CUEDC2: variants seen among roughly 807,000 people sequenced by gnomAD.
The protein encoded by CUEDC2 is CUE domain-containing protein 2.
CUEDC2 carries 10 observed loss-of-function variants against 36.0 expected under a neutral mutation model. The ratio of observed to expected loss-of-function variants is 0.28; its 90% CI spans 0.17 to 0.47. The LOEUF is 0.47. CUEDC2 is among the 20% of genes least tolerant of loss of function. The pLI, the probability that CUEDC2 is intolerant of heterozygous loss-of-function variation, is 0.99. For synonymous variants in CUEDC2, 133 were observed against 141.8 expected, an observed-to-expected ratio of 0.94 and a Z score of 0.44; for missense variants, 269 against 368.1, an observed-to-expected ratio of 0.73 and a Z score of 2.20.
rs769482884 is a variant in CUEDC2 at position 102,423,565 on chromosome 10, T to C, written c.725A>G (p.Lys242Arg). Residue 242 changes from lysine (K) to arginine (R), a missense_variant, in exon 9 of 9, where the codon AAG (lysine) becomes AGG (arginine). By Grantham distance (26) the Lys-to-Arg change is conservative. Coordinates refer to ENST00000369937, the MANE Select transcript of CUEDC2 (RefSeq NM_024040.3). The surrounding 1 kb of genome is among the most constrained non-coding windows in gnomAD (Gnocchi z 5.6). ...GTTGTCGATGTATCGGATCAGCTTC[T>C]TGGGGGCCTGTCAGGCAATCAGCAG... ...HRPMAPKEAP[K>R]KLIRYIDNQV... is the part of the protein sequence containing the mutation. 2.5e-6 allele frequency: 4 copies of C among 1,614,192 alleles called. No individual in the cohort carries two copies. Among genetic ancestry groups the C allele is most frequent in the Non-Finnish European group, 3.4e-6 (4 of 1,180,026 alleles).
chr10:102,424,942 G>T lies in CUEDC2; in HGVS notation c.75-150C>A. On this transcript the variant is annotated intron_variant, in intron 2 of 8. Transcript: ENST00000369937. This position sits in a 1 kb window ranked among gnomAD's most constrained non-coding sequence, Gnocchi z 4.2. ...AGAGAGTATAACCCCCTCCCTCAGA[G>T]CTATGGTTTCCCATCTGCCCAACAA... is the stretch of plus-strand genomic sequence containing the variant. The T allele has an allele frequency of 2.0e-6, 2 of 1,023,436 alleles. No homozygotes were observed. The highest frequency in any genetic ancestry group is 2.9e-6 in the Non-Finnish European group (2 of 698,780). 63.4% of individuals were successfully genotyped at this position (1,023,436 alleles called of 1,614,324 possible). A position where few individuals can be genotyped will look rare whatever the true frequency, so the allele number is the denominator to read the frequency against.
intron 1 of CUEDC2, among the ~76,000 whole-genome samples, chr10:102,429,137 C>T (rs1321395513): frequency 6.6e-6 from 1 of 152,138 alleles, no homozygotes; most frequent in Non-Finnish European, 1.5e-5. Context: ...CCATATTACA[C>T]TCTCTATGCA....
At chr10:102,428,875 A>G (rs2061607033) in intron 1 of CUEDC2, among the ~76,000 whole-genome samples, 1 of 152,084 alleles carries the variant, frequency 6.6e-6, no homozygotes, top group Non-Finnish European at 1.5e-5. Context: ...TACAAAAATT[A>G]GCTGGGTGTG....
Position 102,430,131 on chromosome 10 carries a change from C to T in CUEDC2, c.-11+2395G>A, listed in dbSNP as rs200043796. On this transcript the variant is annotated intron_variant, in intron 1 of 8. Coordinates refer to ENST00000369937, the MANE Select transcript of CUEDC2 (RefSeq NM_024040.3). The stretch of plus-strand genomic sequence containing the variant: ...AAACTTGGCTGAAAGCCCAGGTTTT[C>T]TTTTTTTTTTTTTAATTTTATTTAT... Among the ~76,000 whole-genome samples, 49 of 137,542 alleles carry T rather than the reference C, an allele frequency of 3.6e-4. No individual in the cohort carries two copies. The Middle Eastern group carries it at 0.012, about 33-fold the overall frequency. The allele number at this position is 137,542 out of a possible 152,430, so 90.2% of individuals were successfully genotyped here.
chr10:102,424,153 A>G lies in CUEDC2; in HGVS notation c.437T>C (p.Leu146Pro). The G allele has an allele frequency of 1.2e-6, 2 of 1,614,008 alleles. No homozygotes were observed. Among genetic ancestry groups the G allele is most frequent in the Non-Finnish European group, 1.7e-6 (2 of 1,179,930 alleles). Residue 146 changes from leucine to proline, a missense_variant, in exon 6 of 9, where the codon CTG becomes CCG. Coordinates refer to ENST00000369937, the MANE Select transcript of CUEDC2 (RefSeq NM_024040.3). The surrounding 1 kb of genome is among the most constrained non-coding windows in gnomAD (Gnocchi z 4.2). The stretch of plus-strand genomic sequence containing the variant: ...CTCCAGGAGTACATCCACCCCTGGC[A>G]GAAGCTCCTCCTCAGCGCCAGTTGC... ...DEATGAEEEL[L>P]PGVDVLLEVF...
At position 102,424,580 on chromosome 10, in the gene CUEDC2, G is replaced by A. The variant is rs763967766; in HGVS notation, c.219-20C>T. On this transcript the variant is annotated intron_variant, in intron 3 of 8. Coordinates refer to ENST00000369937, the MANE Select transcript of CUEDC2 (RefSeq NM_024040.3). This position sits in a 1 kb window ranked among gnomAD's most constrained non-coding sequence, Gnocchi z 4.2. ...GTGCCCCTGAAAAGATGAGGGCAGT[G>A]AGAGGATGACTCTGCCCACCCCATA... The A allele has an allele frequency of 4.3e-6, 7 of 1,614,050 alleles. No homozygotes were observed. In the Admixed American group the frequency reaches 5.0e-5, roughly 12 times the overall value.
rs200755540 is a variant in CUEDC2, at chr10:102,425,129, C to T, written c.60G>A (p.Pro20=). 46 of 1,613,790 alleles carry T rather than the reference C, an allele frequency of 2.9e-5. No individual in the cohort carries two copies. Among genetic ancestry groups the T allele is most frequent in the African/African-American group, 2.5e-4 (19 of 75,024 alleles). Residue 20 remains proline (P), a synonymous_variant, in exon 2 of 9, where the codon CCG becomes CCA. Coordinates refer to ENST00000369937, the MANE Select transcript of CUEDC2 (RefSeq NM_024040.3). ...CCCGTCTCTACCTGAGGTCGGCCTCCGGGAGGTGTGTCTGGACAAAGGCAA... is the reference window on the plus strand; with the variant it reads ...CCCGTCTCTACCTGAGGTCGGCCTCTGGGAGGTGTGTCTGGACAAAGGCAA... ...ALLAFVQTHL[P]EADLSGLDEV...
chr10:102,425,428 CACCTCTCCCCACCCCCCT>C (rs1371894333), intron 1 of CUEDC2, among the ~76,000 whole-genome samples: 55 of 142,154 alleles, frequency 3.9e-4, no homozygotes, highest in Middle Eastern at 3.6e-3. Context: ...GGCGCCCCCC[CACCTCTCCCCACCCCCCT>C]ACCTCTCCCC....
chr10:102,424,602 CA>C lies in CUEDC2; in HGVS notation c.219-43del. The C allele has an allele frequency of 8.1e-6, 13 of 1,614,210 alleles. No individual in the cohort carries two copies. The highest frequency in any genetic ancestry group is 1.1e-5 in the Non-Finnish European group (13 of 1,180,022). On this transcript the variant is annotated intron_variant, in intron 3 of 8. Transcript: ENST00000369937. This position sits in a 1 kb window ranked among gnomAD's most constrained non-coding sequence, Gnocchi z 4.2. Reference sequence around the variant, plus strand: ...AGTGAGAGGATGACTCTGCCCACCCCATAATCAGCCAGCCCCTTCCTCCTCC... The same window carrying C: ...AGTGAGAGGATGACTCTGCCCACCCCTAATCAGCCAGCCCCTTCCTCCTCC...
chr10:102,431,395 C>T (rs1210648998), intron 1 of CUEDC2, among the ~76,000 whole-genome samples: 5 of 152,184 alleles, frequency 3.3e-5, no homozygotes, highest in Admixed American at 3.3e-4. Context: ...CCACCCGCCT[C>T]GGTCTCCCAA....
At chr10:102,427,072 A>G (rs11594302) in intron 1 of CUEDC2, among the ~76,000 whole-genome samples, 19,944 of 151,776 alleles carry the variant, frequency 0.13, 1,619 homozygotes, top group East Asian at 0.19. Flanking sequence ...ACAAAAAAAA[A>G]GGGGGGAATT....
At chr10:102,425,249 C>G in intron 1 of CUEDC2, 51 bp from the exon 2 acceptor site, 1 of 1,423,028 alleles carries the variant, frequency 7.0e-7, no homozygotes, top group Non-Finnish European at 9.9e-7. Flanking sequence ...TGCCCCCACC[C>G]ACTGGGCCTG....
rs1589905933 is a variant in CUEDC2 at position 102,423,321 on chromosome 10, A to G, written c.*105T>C. ...GGTTAACACTATGGAGCAAAGGAGT[A>G]GAGAAGGGGGACAGGAGTTAGGGGG... On this transcript the variant is annotated 3_prime_UTR_variant, in exon 9 of 9. Coordinates refer to ENST00000369937, the MANE Select transcript of CUEDC2 (RefSeq NM_024040.3). The surrounding 1 kb of genome is among the most constrained non-coding windows in gnomAD (Gnocchi z 5.6). The G allele has an allele frequency of 3.2e-5, 44 of 1,370,214 alleles. No individual in the cohort carries two copies. Among genetic ancestry groups the G allele is most frequent in the Non-Finnish European group, 4.4e-5 (43 of 973,256 alleles). 84.9% of individuals were successfully genotyped at this position (1,370,214 alleles called of 1,614,324 possible).
At chr10:102,430,079 C>T (rs1313839889) in intron 1 of CUEDC2, among the ~76,000 whole-genome samples, 2 of 150,078 alleles carry the variant, frequency 1.3e-5, no homozygotes, top group East Asian at 3.9e-4. Context: ...GGATTACAGG[C>T]ATGAGCCACC....
At chr10:102,428,587 A>G (rs1050481250) in intron 1 of CUEDC2, among the ~76,000 whole-genome samples, 5 of 152,194 alleles carry the variant, frequency 3.3e-5, no homozygotes, top group African/African-American at 1.2e-4. Flanking sequence ...GTCTCATTTT[A>G]AAATTCCCTT....
At chr10:102,428,060 G>C (rs192409309) in intron 1 of CUEDC2, among the ~76,000 whole-genome samples, 1 of 152,252 alleles carries the variant, frequency 6.6e-6, no homozygotes, top group Admixed American at 6.5e-5. Flanking sequence ...TCCTGCCTCA[G>C]CCTCCCGAGT....
Position 102,423,803 on chromosome 10 carries a change from C to T in CUEDC2, c.651G>A (p.Leu217=). The T allele has an allele frequency of 6.2e-7, 1 of 1,613,926 alleles. No homozygotes were observed. The highest frequency in any genetic ancestry group is 1.1e-5 in the South Asian group (1 of 91,076). ...PQKDELKSFI[L]QKYMMVDSAE... Reference sequence around the variant, plus strand: ...CCAGCCCAGCCCAGACTCACTTCTGCAGGATGAAGGACTTCAGCTCATCCT... The same window carrying T: ...CCAGCCCAGCCCAGACTCACTTCTGTAGGATGAAGGACTTCAGCTCATCCT... The change falls in exon 7 of 9, where the codon CTG becomes CTA. Residue 217 remains leucine, a synonymous_variant. Coordinates refer to ENST00000369937, the MANE Select transcript of CUEDC2 (RefSeq NM_024040.3). The surrounding 1 kb of genome is among the most constrained non-coding windows in gnomAD (Gnocchi z 5.6).
At chr10:102,425,308 G>A in intron 1 of CUEDC2, 110 bp from the exon 2 acceptor site, 1 of 746,744 alleles carries the variant, frequency 1.3e-6, no homozygotes, top group East Asian at 2.7e-5. Context: ...ATCTGTTGAT[G>A]CTGCCCTCTC....
rs1296145938 is a variant in CUEDC2, at chr10:102,424,533, C to T, written c.246G>A (p.Lys82=). The T allele has an allele frequency of 6.2e-7, 1 of 1,614,184 alleles. No homozygotes were observed. The change falls in exon 4 of 9, where the codon AAG becomes AAA. Residue 82 remains lysine, a synonymous_variant. Coordinates refer to ENST00000369937, the MANE Select transcript of CUEDC2 (RefSeq NM_024040.3). The surrounding 1 kb of genome is among the most constrained non-coding windows in gnomAD (Gnocchi z 4.2). ...TGGCATCGCTCAGCTGCCCTGAGAG[C>T]TTCTGCATCATGTCCCCTATTGTGC... ...PRGTIGDMMQ[K]LSGQLSDARN...
Sources: allele counts gnomAD v4.1 joint callset (sites outside exome capture counted in the v4.1 genomes callset), GRCh38; gene constraint gnomAD v4.1.1; non-coding constraint Gnocchi (gnomAD v3.1); transcripts MANE v1.5; gene names NCBI Gene and HGNC (gene_info 2026-07-23, HGNC 2026-07-21).